Variants in CLCN5 observed in about 807,000 individuals in gnomAD.
CLCN5 encodes the protein H(+)/Cl(-) exchange transporter 5.
A neutral mutation model predicts 54.0 loss-of-function variants in CLCN5; 17 were observed. The ratio of observed to expected loss-of-function variants is 0.31; its 90% CI spans 0.22 to 0.47. The LOEUF (loss-of-function observed/expected upper bound fraction) is 0.47. Ranked by LOEUF, CLCN5 falls within the 20% of genes least tolerant of loss-of-function variation. The pLI, the probability that CLCN5 is intolerant of heterozygous loss-of-function variation, is 1.00. For synonymous variants in CLCN5, 222 were observed against 233.0 expected (o/e 0.95, Z 0.43); for missense variants, 448 against 646.7 (o/e 0.69, Z 3.33).
intron 3 of CLCN5, among the ~76,000 whole-genome samples, chrX:49,957,226 G>A (rs1334312931): frequency 3.6e-5 from 4 of 111,318 alleles, no homozygotes; most frequent in Admixed American, 9.5e-5. Flanking sequence ...CTTGAACCCC[G>A]GAGGTGGAGG....
intron 3 of CLCN5, among the ~76,000 whole-genome samples, chrX:50,016,893 C>G (rs1930816669): frequency 9.0e-6 from 1 of 111,321 alleles, no homozygotes; most frequent in East Asian, 2.8e-4. Context: ...CTCCTCATAT[C>G]TTTTCATGAC....
chrX:49,990,267 C>A (rs1466522560), intron 3 of CLCN5, among the ~76,000 whole-genome samples: 1 of 110,287 alleles, frequency 9.1e-6, no homozygotes, highest in Non-Finnish European at 1.9e-5. Context: ...CGGGTCCAAG[C>A]AATTCTCCTG....
chrX:49,954,515 G>C (rs1225036754), intron 3 of CLCN5, among the ~76,000 whole-genome samples: 1 of 111,244 alleles, frequency 9.0e-6, no homozygotes, highest in Non-Finnish European at 1.9e-5. Flanking sequence ...TGTGCTTCCA[G>C]GGCTTGCGAG....
At chrX:50,032,685 A>G (rs1413539649) in intron 3 of CLCN5, among the ~76,000 whole-genome samples, 1 of 109,266 alleles carries the variant, frequency 9.2e-6, no homozygotes, top group Non-Finnish European at 1.9e-5. Flanking sequence ...GTTCACTCTG[A>G]TGGTAGTTTC....
At chrX:50,007,333 T>C (rs1156324145) in intron 3 of CLCN5, among the ~76,000 whole-genome samples, 6 of 110,189 alleles carry the variant, frequency 5.4e-5, no homozygotes, top group African/African-American at 2.0e-4. Flanking sequence ...GGAGCCTTTT[T>C]GATTATACTC....
chrX:50,060,282 G>A (rs782377255), intron 4 of CLCN5, among the ~76,000 whole-genome samples: 69 of 110,962 alleles, frequency 6.2e-4, no homozygotes, highest in African/African-American at 2.0e-3. Context: ...GAGAGTGGGC[G>A]CAGGCCAGTG....
intron 3 of CLCN5, among the ~76,000 whole-genome samples, chrX:50,035,961 C>T (rs1186094285): frequency 1.8e-5 from 2 of 111,940 alleles, no homozygotes; most frequent in East Asian, 5.6e-4. Flanking sequence ...GAAAATAAAT[C>T]AAATCCCATT....
chrX:49,982,170 C>T (rs1405206711), intron 3 of CLCN5, among the ~76,000 whole-genome samples: 1 of 110,953 alleles, frequency 9.0e-6, no homozygotes, highest in Non-Finnish European at 1.9e-5. Flanking sequence ...CTTTGAATGA[C>T]TTGAAGGGCC....
chrX:49,951,046 T>C (rs1169672987), intron 3 of CLCN5, among the ~76,000 whole-genome samples: 1 of 111,851 alleles, frequency 8.9e-6, no homozygotes, highest in African/African-American at 3.2e-5. Flanking sequence ...ACCCTTCCCA[T>C]TCTCTGGTAA....
At chrX:50,062,912 G>C (rs1177709453) in intron 4 of CLCN5, among the ~76,000 whole-genome samples, 3 of 107,851 alleles carry the variant, frequency 2.8e-5, no homozygotes, top group Non-Finnish European at 3.8e-5. Flanking sequence ...ATGACTACTG[G>C]GTAAATAACG....
chrX:50,085,897 A>G (rs1933866133), intron 9 of CLCN5, 83 bp from the exon 10 acceptor site: 1 of 786,305 alleles, frequency 1.3e-6, no homozygotes, highest in Admixed American at 2.2e-5. Flanking sequence ...TTCAGTAACT[A>G]CTAACATTTC....
At chrX:50,062,690 A>T (rs1402352982) in intron 4 of CLCN5, among the ~76,000 whole-genome samples, 9 of 99,573 alleles carry the variant, frequency 9.0e-5, no homozygotes, top group African/African-American at 3.6e-4. Flanking sequence ...TCCACCCCAA[A>T]TCAACAGAAT....
intron 4 of CLCN5, among the ~76,000 whole-genome samples, chrX:50,066,787 A>C (rs1479670320): frequency 8.9e-6 from 1 of 112,012 alleles, no homozygotes; most frequent in African/African-American, 3.2e-5. Flanking sequence ...GAGCATTACT[A>C]CTCAGAAACA....
chrX:50,057,672 A>G (rs1230632568), intron 4 of CLCN5, among the ~76,000 whole-genome samples: 3 of 93,654 alleles, frequency 3.2e-5, no homozygotes, highest in African/African-American at 1.2e-4. Flanking sequence ...TCCTGGATAG[A>G]TACTATCCAG....
intron 3 of CLCN5, among the ~76,000 whole-genome samples, chrX:49,947,193 C>CT (rs1185179179): frequency 9.0e-6 from 1 of 111,663 alleles, no homozygotes. Context: ...AGCTGTGACT[C>CT]TAACTTTACT....
At chrX:49,948,894 GT>G (rs781928549) in intron 3 of CLCN5, among the ~76,000 whole-genome samples, 1 of 112,409 alleles carries the variant, frequency 8.9e-6, no homozygotes, top group Non-Finnish European at 1.9e-5. Context: ...TGAAAACATT[GT>G]TTTGGCTCTG....
chrX:49,929,760 C>T, intron 3 of CLCN5, among the ~76,000 whole-genome samples: 1 of 103,119 alleles, frequency 9.7e-6, no homozygotes, highest in South Asian at 4.1e-4. Context: ...GGAACTGCTG[C>T]AATAAATATA....
intron 3 of CLCN5, among the ~76,000 whole-genome samples, chrX:49,926,176 G>T (rs1201251978): frequency 8.9e-6 from 1 of 112,249 alleles, no homozygotes; most frequent in African/African-American, 3.2e-5. Context: ...ATGTTTCATT[G>T]TGTTGGTTGT....
chrX:50,089,976 T>C, intron 12 of CLCN5, 140 bp from the exon 13 acceptor site: 2 of 594,254 alleles, frequency 3.4e-6, no homozygotes, highest in South Asian at 4.9e-5. Context: ...GTGACCTTGC[T>C]TTCTTGCAAT....
Sources: gnomAD v4.1 joint callset for allele counts (sites outside exome capture counted in the v4.1 genomes callset) on GRCh38, gnomAD v4.1.1 for gene constraint, MANE v1.5 for transcripts, NCBI Gene and HGNC (gene_info 2026-07-23, HGNC 2026-07-21) for gene names.